Variants in NT5C1B observed in about 807,000 individuals in gnomAD.
The protein encoded by NT5C1B is cytosolic 5'-nucleotidase 1B.
NT5C1B carries 44 observed loss-of-function variants against 57.8 expected under a neutral mutation model. The ratio of observed to expected loss-of-function variants is 0.76; its 90% CI spans 0.60 to 0.98. The LOEUF (loss-of-function observed/expected upper bound fraction) is 0.98, where lower values mean the gene tolerates loss of function less well. Ranked by LOEUF, NT5C1B falls within the 50% of genes least tolerant of loss-of-function variation. NT5C1B has a pLI of 0.00. For missense variants in NT5C1B, 742 were observed against 719.5 expected (o/e 1.03, Z -0.36); for synonymous variants, 284 against 282.6 (o/e 1.00, Z -0.05).
chr2:18,564,906 A>G (rs1291548649), intron 8 of NT5C1B, among the ~76,000 whole-genome samples: 1 of 152,084 alleles, frequency 6.6e-6, no homozygotes, highest in Non-Finnish European at 1.5e-5. Context: ...TACCTTTACA[A>G]CTATAACCTT....
intron 2 of NT5C1B, chr2:18,586,593 A>G (rs920002825): frequency 1.7e-5 from 14 of 816,926 alleles, no homozygotes; most frequent in African/African-American, 1.2e-4. Context: ...TGGAGCATCT[A>G]TGTGGGGGTC....
chr2:18,584,415 G>A lies in NT5C1B; in HGVS notation c.723+99C>T. On this transcript the variant is annotated intron_variant, in intron 4 of 8. Coordinates refer to ENST00000304081, the Ensembl canonical transcript of NT5C1B. The surrounding 1 kb of genome is among the most constrained non-coding windows in gnomAD (Gnocchi z 5.8). Reference sequence around the variant, plus strand: ...CTGGGACTCCCCGAAGTTTGGGGAGGAGAAGCGGGAGGACCTCCCTGCGCA... The same window carrying A: ...CTGGGACTCCCCGAAGTTTGGGGAGAAGAAGCGGGAGGACCTCCCTGCGCA... 2 of 1,521,724 alleles carry A rather than the reference G, an allele frequency of 1.3e-6. No homozygotes were observed. The highest frequency in any genetic ancestry group is 2.1e-5 in the Admixed American group (1 of 48,734). The allele number at this position is 1,521,724 out of a possible 1,614,324, so 94.3% of individuals were successfully genotyped here.
chr2:18,589,486 T>C (rs1667003745), exon 1 of NT5C1B: 4 of 1,613,984 alleles, frequency 2.5e-6, no homozygotes, highest in Non-Finnish European at 3.4e-6. Flanking sequence ...CCTGTTGAAA[T>C]TCTTTTGTTG....
rs568692184 is a variant in NT5C1B, at chr2:18,581,321, A to G, written c.1021+1547T>C. 7.2e-5 allele frequency among the ~76,000 whole-genome samples: 11 copies of G among 152,302 alleles called. No homozygotes were observed. In the South Asian group the frequency reaches 2.3e-3, roughly 32 times the overall value. On this transcript the variant is annotated intron_variant, in intron 6 of 8. Transcript: ENST00000304081. ...AAAGGAATATTCTGAAATTCTGATA[A>G]CGATTTCTACAGAAAGGTCTCAGTT...
At chr2:18,564,372 C>T (rs1664449668) in intron 8 of NT5C1B, among the ~76,000 whole-genome samples, 1 of 152,118 alleles carries the variant, frequency 6.6e-6, no homozygotes, top group South Asian at 2.1e-4. Flanking sequence ...AACCTATATA[C>T]TTTAGGTATG....
chr2:18,570,341 AC>A (rs1343796322), intron 8 of NT5C1B, among the ~76,000 whole-genome samples: 1 of 151,996 alleles, frequency 6.6e-6, no homozygotes, highest in East Asian at 1.9e-4. Flanking sequence ...GGCCAAACTG[AC>A]CAAGAAAAAC....
rs760061590 is a variant in NT5C1B, at chr2:18,584,271, C to G, written c.724-16G>C. The G allele has an allele frequency of 6.2e-7, 1 of 1,610,230 alleles. No individual in the cohort carries two copies. Among genetic ancestry groups the G allele is most frequent in the Non-Finnish European group, 8.5e-7 (1 of 1,177,658 alleles). ...TGGGTTTGGGCTGCAGAGAGGGACG[C>G]CAAAGGGAGGATAGTCACATAGCCA... On this transcript the variant is annotated splice_polypyrimidine_tract_variant and intron_variant, in intron 4 of 8. Coordinates refer to ENST00000304081, the Ensembl canonical transcript of NT5C1B. The surrounding 1 kb of genome is among the most constrained non-coding windows in gnomAD (Gnocchi z 5.8).
Position 18,584,651 on chromosome 2 carries a change from A to C in NT5C1B, c.586T>G (p.Ser196Ala). 1 of 1,612,894 alleles carries C rather than the reference A, an allele frequency of 6.2e-7. No individual in the cohort carries two copies. The change falls in exon 4 of 9, where the codon TCC (serine) becomes GCC (alanine). Residue 196 changes from serine to alanine, a missense_variant. Transcript: ENST00000304081. The surrounding 1 kb of genome is among the most constrained non-coding windows in gnomAD (Gnocchi z 5.8). ...AGAGAGTTGCGGTCCAGCTGGGTGG[A>C]GGCGGGGTAGATCCCCCTGCGCTGG... is the stretch of plus-strand genomic sequence containing the variant.
At chr2:18,588,932 A>C (rs1479469894) in intron 1 of NT5C1B, among the ~76,000 whole-genome samples, 1 of 152,190 alleles carries the variant, frequency 6.6e-6, no homozygotes, top group Non-Finnish European at 1.5e-5. Flanking sequence ...ATTTGCCTGC[A>C]TACACCAGCC....
chr2:18,586,368 C>A lies in NT5C1B; in HGVS notation c.144G>T (p.Arg48=), dbSNP rs778765215. The A allele has an allele frequency of 3.7e-6, 6 of 1,613,974 alleles. No individual in the cohort carries two copies. The Admixed American group carries it at 1.0e-4, about 27-fold the overall frequency. ...CAAGGTACCCTCGAGAGTCTGTCTT[C>A]CGCAGTGATGATTCTTGTGATCCCT... is the stretch of plus-strand genomic sequence containing the variant. The change falls in exon 3 of 9, where the codon CGG becomes CGT. Residue 48 remains arginine, a synonymous_variant. Transcript: ENST00000304081.
At position 18,584,113 on chromosome 2, in the gene NT5C1B, G is replaced by A; in HGVS notation, c.866C>T (p.Pro289Leu). Reference sequence around the variant, plus strand: ...CTTGACGAAGCGGAACGCCGGGCCCGGGGTCAGGATGACGTTCTCATTGGT... The same window carrying A: ...CTTGACGAAGCGGAACGCCGGGCCCAGGGTCAGGATGACGTTCTCATTGGT... Residue 289 changes from proline to leucine, a missense_variant, in exon 5 of 9, where the codon CCG (proline) becomes CTG (leucine). Physicochemically the swap from Pro to Leu is moderately conservative, Grantham distance 98 (BLOSUM62 -3). Coordinates refer to ENST00000304081, the Ensembl canonical transcript of NT5C1B. This position sits in a 1 kb window ranked among gnomAD's most constrained non-coding sequence, Gnocchi z 5.8. 5 of 1,614,120 alleles carry A rather than the reference G, an allele frequency of 3.1e-6. No individual in the cohort carries two copies. The highest frequency in any genetic ancestry group is 1.3e-5 in the African/African-American group (1 of 75,018).
At chr2:18,576,289 C>A in exon 8 of NT5C1B, 1 of 1,613,798 alleles carries the variant, frequency 6.2e-7, no homozygotes, top group South Asian at 1.1e-5. Flanking sequence ...GGACAGCATC[C>A]CCATCAAAGG....
Position 18,587,593 on chromosome 2 carries a change from C to G in NT5C1B, c.31-1G>C. On this transcript the variant is annotated splice_acceptor_variant, in intron 1 of 8. Transcript: ENST00000304081. LOFTEE classifies it high-confidence loss of function. The stretch of plus-strand genomic sequence containing the variant: ...TTGAGGACCTCATTCCAGGCTCATT[C>G]TTGACAAGGAAACAAAGAATGTTTA... 6.2e-7 allele frequency: 1 copy of G among 1,609,086 alleles called. No individual in the cohort carries two copies. The highest frequency in any genetic ancestry group is 8.5e-7 in the Non-Finnish European group (1 of 1,179,242).
chr2:18,576,736 C>T lies in NT5C1B; in HGVS notation c.1144+37G>A, dbSNP rs753047307. Reference sequence around the variant, plus strand: ...AATGTAAGTCACCATTAGTGTAAACCTCTTTATTAACTAGAGGAATAAAAT... The same window carrying T: ...AATGTAAGTCACCATTAGTGTAAACTTCTTTATTAACTAGAGGAATAAAAT... On this transcript the variant is annotated intron_variant, in intron 7 of 8. Coordinates refer to ENST00000304081, the Ensembl canonical transcript of NT5C1B. 1.9e-6 allele frequency: 3 copies of T among 1,609,998 alleles called. No individual in the cohort carries two copies. In the Admixed American group the frequency reaches 5.1e-5, roughly 27 times the overall value.
chr2:18,575,107 CTTTGAAGTGTTT>C (rs1665559294), intron 8 of NT5C1B, among the ~76,000 whole-genome samples: 1 of 151,978 alleles, frequency 6.6e-6, no homozygotes, highest in African/African-American at 2.4e-5. Flanking sequence ...GTAATGCTTT[CTTTGAAGTGTTT>C]TTGTTTAAGT....
At position 18,563,998 on chromosome 2, in the gene NT5C1B, G is replaced by C; in HGVS notation, c.1451C>G (p.Ser484Ter). ...AAGGGTCTTCAGCACACGGGCGCCT[G>C]AACTGGCTGCACTCCTAGCTGTAAC... Residue 484 changes from serine to a stop codon, truncating the protein, a stop_gained, in exon 9 of 9, where the codon TCA becomes TGA. Transcript: ENST00000304081. LOFTEE classifies it high-confidence loss of function. The C allele has an allele frequency of 1.2e-6, 2 of 1,614,170 alleles. No homozygotes were observed. Among genetic ancestry groups the C allele is most frequent in the Non-Finnish European group, 1.7e-6 (2 of 1,180,016 alleles).
intron 5 of NT5C1B, 116 bp from the exon 6 acceptor site, chr2:18,583,113 G>A (rs904992301): frequency 4.8e-5 from 65 of 1,347,002 alleles, no homozygotes; most frequent in Non-Finnish European, 6.0e-5. Context: ...TCTTCACTGA[G>A]AGATTCTGGC....
chr2:18,562,873 C>G (rs1470272865), exon 9 of NT5C1B: 1 of 152,156 alleles, frequency 6.6e-6, no homozygotes, highest in Admixed American at 6.5e-5. Flanking sequence ...AATAATAATA[C>G]TATGTCACAA....
chr2:18,581,372 T>C (rs1018793802), intron 6 of NT5C1B, among the ~76,000 whole-genome samples: 1 of 152,154 alleles, frequency 6.6e-6, no homozygotes, highest in East Asian at 1.9e-4. Context: ...AAGCAAAACA[T>C]GTTCAACAAT....
Sources: allele counts gnomAD v4.1 joint callset (sites outside exome capture counted in the v4.1 genomes callset), GRCh38; gene constraint gnomAD v4.1.1; non-coding constraint Gnocchi (gnomAD v3.1); transcripts MANE v1.5; gene names NCBI Gene and HGNC (gene_info 2026-07-23, HGNC 2026-07-21).